The following RYR2 variants were observed in gnomAD, a reference collection of about 807,000 sequenced individuals.
RYR2 encodes ryanodine receptor 2, also known as cardiac muscle ryanodine receptor-calcium release channel.
In RYR2, 227 loss-of-function variants were observed where a neutral mutation model predicts 601.1. The observed-to-expected ratio is 0.38, with a 90% CI of 0.34 to 0.42. The LOEUF (loss-of-function observed/expected upper bound fraction) is 0.42, where lower values mean the gene tolerates loss of function less well. Among genes scored for constraint, RYR2 ranks in the 10% least tolerant of loss-of-function variants. The pLI is 1.00. For synonymous variants in RYR2, 2,223 were observed against 2,175.1 expected, an observed-to-expected ratio of 1.02 and a Z score of -0.61; for missense variants, 4,646 against 6,156.5, an observed-to-expected ratio of 0.75 and a Z score of 8.21.
chr1:237,220,158 T>C (rs965472397), intron 1 of RYR2, among the ~76,000 whole-genome samples: 4 of 152,138 alleles, frequency 2.6e-5, no homozygotes, highest in African/African-American at 7.2e-5. Context: ...CCAGAAGAGA[T>C]TGACGTGAGA....
chr1:237,305,389 T>A (rs1304816771), intron 2 of RYR2, among the ~76,000 whole-genome samples: 1 of 152,202 alleles, frequency 6.6e-6, no homozygotes, highest in African/African-American at 2.4e-5. Flanking sequence ...ATACACTTTA[T>A]AATACATATT....
At chr1:237,339,524 A>T (rs550171267) in intron 3 of RYR2, among the ~76,000 whole-genome samples, 60 of 152,288 alleles carry the variant, frequency 3.9e-4, no homozygotes, top group Non-Finnish European at 7.2e-4. Flanking sequence ...AAAGATTAGT[A>T]TATAGCCATC....
At chr1:237,136,388 T>A (rs922080746) in intron 1 of RYR2, among the ~76,000 whole-genome samples, 1 of 152,158 alleles carries the variant, frequency 6.6e-6, no homozygotes, top group African/African-American at 2.4e-5. Context: ...ACCTGGGCTA[T>A]ATAAGAGGTA....
chr1:237,679,615 A>T (rs12408511), intron 61 of RYR2, among the ~76,000 whole-genome samples: 37,379 of 152,146 alleles, frequency 0.25, 5,684 homozygotes, highest in Middle Eastern at 0.49. Context: ...TGGGAAACAA[A>T]CCCAGAAATG....
At chr1:237,498,118 C>T (rs149050965) in intron 20 of RYR2, among the ~76,000 whole-genome samples, 137 of 152,100 alleles carry the variant, frequency 9.0e-4, no homozygotes, top group African/African-American at 3.2e-3. Flanking sequence ...TGCCTGCCTC[C>T]GCTTCCCAAA....
intron 5 of RYR2, 111 bp downstream of exon 5, chr1:237,364,483 A>G (rs1356937122): frequency 4.3e-6 from 2 of 460,824 alleles, no homozygotes; most frequent in Non-Finnish European, 7.5e-6. Context: ...TATATATGAC[A>G]GATATATATA....
At chr1:237,255,886 C>T (rs558376361) in intron 1 of RYR2, among the ~76,000 whole-genome samples, 38 of 138,562 alleles carry the variant, frequency 2.7e-4, no homozygotes, top group Non-Finnish European at 5.2e-4. Context: ...TTTAGCTTTT[C>T]TTTAGTAATT....
intron 57 of RYR2, 33 bp from the exon 58 acceptor site, chr1:237,667,850 T>G (rs1292538084): frequency 6.8e-7 from 1 of 1,474,186 alleles, no homozygotes. Context: ...CTTTTTTACT[T>G]ATTGAAACGA....
At chr1:237,223,633 G>A (rs1684059927) in intron 1 of RYR2, among the ~76,000 whole-genome samples, 1 of 152,070 alleles carries the variant, frequency 6.6e-6, no homozygotes, top group Non-Finnish European at 1.5e-5. Flanking sequence ...GTAATAGAGG[G>A]AGAGAACTCA....
chr1:237,375,363 T>A (rs559703036), intron 7 of RYR2, among the ~76,000 whole-genome samples: 1 of 152,350 alleles, frequency 6.6e-6, no homozygotes, highest in African/African-American at 2.4e-5. Context: ...CTGAGGACTT[T>A]GCATTGACTT....
chr1:237,387,557 C>G (rs1385649480), intron 9 of RYR2, among the ~76,000 whole-genome samples, 177 bp downstream of exon 9: 6 of 152,216 alleles, frequency 3.9e-5, no homozygotes. Context: ...AACAGTGAAG[C>G]TTGGGTGAAG....
rs1663950858 is a variant in RYR2 at position 237,832,780 on chromosome 1, G to A, written c.*133G>A. 7.2e-6 allele frequency: 4 copies of A among 552,822 alleles called. No individual in the cohort carries two copies. The highest frequency in any genetic ancestry group is 1.3e-5 in the Non-Finnish European group (4 of 309,960). The allele number at this position is 552,822 out of a possible 1,614,324, so 34.2% of individuals were successfully genotyped here. A position where few individuals can be genotyped will look rare whatever the true frequency, so the allele number is the denominator to read the frequency against. ...TTGTGTGTTTTCTGGGAGCATCGAAGCTCTGTTTCGGAAGAGCTGTTTCCT... is the reference window on the plus strand; with the variant it reads ...TTGTGTGTTTTCTGGGAGCATCGAAACTCTGTTTCGGAAGAGCTGTTTCCT... On this transcript the variant is annotated 3_prime_UTR_variant, in exon 105 of 105. Coordinates refer to ENST00000366574, the MANE Select transcript of RYR2 (RefSeq NM_001035.3).
rs757198624 is a variant in RYR2, at chr1:237,610,991, C to A, written c.4910+3C>A. ...CTTCATATCCCTGAGGAAAACAGGT[C>A]AGCCCCAGTGAATCCCTGACATTCT... is the stretch of plus-strand genomic sequence containing the variant. On this transcript the variant is annotated splice_donor_region_variant and intron_variant, in intron 36 of 104. Transcript: ENST00000366574. This position sits in a 1 kb window ranked among gnomAD's most constrained non-coding sequence, Gnocchi z 4.9. 6.2e-7 allele frequency: 1 copy of A among 1,608,544 alleles called. No homozygotes were observed. The highest frequency in any genetic ancestry group is 8.5e-7 in the Non-Finnish European group (1 of 1,177,184).
At chr1:237,405,551 A>C (rs138128511) in intron 10 of RYR2, among the ~76,000 whole-genome samples, 5 of 152,328 alleles carry the variant, frequency 3.3e-5, no homozygotes, top group Middle Eastern at 3.4e-3. Flanking sequence ...AGCAATTCAA[A>C]TATATCAACC....
At chr1:237,142,084 T>A (rs1285995089) in intron 1 of RYR2, among the ~76,000 whole-genome samples, 2 of 152,194 alleles carry the variant, frequency 1.3e-5, no homozygotes, top group East Asian at 3.9e-4. Context: ...TATGACCAGG[T>A]GGGGCCCCCA....
At chr1:237,362,211 T>G (rs181391106) in intron 4 of RYR2, among the ~76,000 whole-genome samples, 1 of 152,338 alleles carries the variant, frequency 6.6e-6, no homozygotes, top group East Asian at 1.9e-4. Context: ...ATTTCCACCT[T>G]TGTGTTTCTA....
intron 1 of RYR2, among the ~76,000 whole-genome samples, chr1:237,239,835 T>C (rs1394183383): frequency 6.6e-6 from 1 of 152,210 alleles, no homozygotes; most frequent in Non-Finnish European, 1.5e-5. Context: ...GACTAGGTAG[T>C]GTATAAACCA....
chr1:237,449,712 C>A (rs1205940459), intron 14 of RYR2, among the ~76,000 whole-genome samples: 1 of 151,498 alleles, frequency 6.6e-6, no homozygotes, highest in Non-Finnish European at 1.5e-5. Context: ...TTTTTGCCTT[C>A]ATTTTAAGTG....
chr1:237,569,585 G>T (rs1672451712), intron 29 of RYR2, among the ~76,000 whole-genome samples: 1 of 152,160 alleles, frequency 6.6e-6, no homozygotes, highest in Non-Finnish European at 1.5e-5. Context: ...GCAGATAAAA[G>T]AATAGGTTTC....
Sources: allele counts gnomAD v4.1 joint callset (sites outside exome capture counted in the v4.1 genomes callset), GRCh38; gene constraint gnomAD v4.1.1; non-coding constraint Gnocchi (gnomAD v3.1); transcripts MANE v1.5; gene names NCBI Gene and HGNC (gene_info 2026-07-23, HGNC 2026-07-21).